The following PSMF1 variants were observed in gnomAD, a reference collection of about 807,000 sequenced individuals.
PSMF1 encodes proteasome inhibitor PI31 subunit.
In PSMF1, 30 loss-of-function variants were observed where a neutral mutation model predicts 29.3. The observed-to-expected ratio is 1.02, with a 90% CI of 0.77 to 1.39. The LOEUF (loss-of-function observed/expected upper bound fraction) is 1.39. Ranked by LOEUF, PSMF1 falls within the 40% of genes most tolerant of loss-of-function variation. The pLI, the probability that PSMF1 is intolerant of heterozygous loss-of-function variation, is 0.00. For missense variants in PSMF1, 344 were observed against 357.5 expected (o/e 0.96, Z 0.31); for synonymous variants, 134 against 139.7 (o/e 0.96, Z 0.29).
At chr20:1,155,172 G>A (rs1255261267) in intron 4 of PSMF1, among the ~76,000 whole-genome samples, 1 of 152,226 alleles carries the variant, frequency 6.6e-6, no homozygotes, top group East Asian at 1.9e-4. Context: ...CCCAAAGTGA[G>A]GAAATGAACA....
At chr20:1,153,310 G>A (rs889128980) in intron 4 of PSMF1, among the ~76,000 whole-genome samples, 2 of 151,946 alleles carry the variant, frequency 1.3e-5, no homozygotes, top group Admixed American at 6.6e-5. Context: ...GCTCATTCAG[G>A]TCACTGGCAG....
At chr20:1,122,611 AT>A (rs1482281079) in intron 1 of PSMF1, among the ~76,000 whole-genome samples, 2 of 151,994 alleles carry the variant, frequency 1.3e-5, no homozygotes, top group East Asian at 3.9e-4. Flanking sequence ...CAGGCCTTTG[AT>A]TTTTCATCAG....
chr20:1,138,513 C>A (rs2086337457), intron 4 of PSMF1, among the ~76,000 whole-genome samples: 4 of 82,200 alleles, frequency 4.9e-5, no homozygotes, highest in East Asian at 3.6e-4. Context: ...ACAGAGACTG[C>A]ATCTCAAAAA....
At position 1,167,407 on chromosome 20, in the gene PSMF1, C is replaced by T. The variant is rs767279816; in HGVS notation, c.*2327C>T. 6.6e-6 allele frequency: 1 copy of T among 152,160 alleles called. No homozygotes were observed. The highest frequency in any genetic ancestry group is 2.4e-5 in the African/African-American group (1 of 41,410). 9.4% of individuals were successfully genotyped at this position (152,160 alleles called of 1,614,324 possible). On this transcript the variant is annotated 3_prime_UTR_variant, in exon 7 of 7. Transcript: ENST00000335877. ...ACATACCTGTTTAAAGTATACAATT[C>T]AGTGGATTTAGTATGTTCACAGTGT...
intron 3 of PSMF1, among the ~76,000 whole-genome samples, chr20:1,128,944 C>T (rs973353331): frequency 1.3e-5 from 2 of 151,906 alleles, no homozygotes; most frequent in Admixed American, 6.6e-5. Flanking sequence ...GGCGCGATCT[C>T]GGCTCACTGC....
In PSMF1 at chr20:1,169,274, TGA is replaced by T. The variant is rs750487926; in HGVS notation, c.*4196_*4197del. 1.6e-4 allele frequency among the ~76,000 whole-genome samples: 25 copies of T among 152,090 alleles called. No individual in the cohort carries two copies. The highest frequency in any genetic ancestry group is 5.5e-4 in the African/African-American group (23 of 41,462). On this transcript the variant is annotated 3_prime_UTR_variant, in exon 7 of 7. Transcript: ENST00000335877. ...GGGTGGCAGGTAGGATGGTAGGCAG[TGA>T]GGGGTGGCAAGGCCTAGCTGACTGA...
At position 1,168,157 on chromosome 20, in the gene PSMF1, C is replaced by CA. The variant is rs1383301270; in HGVS notation, c.*3078dup. On this transcript the variant is annotated 3_prime_UTR_variant, in exon 7 of 7. Coordinates refer to ENST00000335877, the MANE Select transcript of PSMF1 (RefSeq NM_006814.5). Reference sequence around the variant, plus strand: ...GGGAGCAATCTGTGGTTTTGATAATCACCACCTTGGGATGAACATGGCTGG... The same window carrying CA: ...GGGAGCAATCTGTGGTTTTGATAATCAACCACCTTGGGATGAACATGGCTGG... 6.6e-6 allele frequency: 1 copy of CA among 152,266 alleles called. No individual in the cohort carries two copies. The highest frequency in any genetic ancestry group is 2.4e-5 in the African/African-American group (1 of 41,470). 9.4% of individuals were successfully genotyped at this position (152,266 alleles called of 1,614,324 possible). A position where few individuals can be genotyped will look rare whatever the true frequency, so the allele number is the denominator to read the frequency against.
rs2086727684 is a variant in PSMF1 at position 1,166,193 on chromosome 20, A to G, written c.*1113A>G. 1 of 1,611,054 alleles carries G rather than the reference A, an allele frequency of 6.2e-7. No individual in the cohort carries two copies. The highest frequency in any genetic ancestry group is 1.3e-5 in the African/African-American group (1 of 74,856). On this transcript the variant is annotated 3_prime_UTR_variant, in exon 7 of 7. Coordinates refer to ENST00000335877, the MANE Select transcript of PSMF1 (RefSeq NM_006814.5). ...AGCCCTGCACCTTGTGTCCTGGCCC[A>G]CCTGACCTTTGGTGTTCTCCGGATC...
At chr20:1,126,381 GT>G (rs1242305824) in intron 2 of PSMF1, among the ~76,000 whole-genome samples, 1 of 152,060 alleles carries the variant, frequency 6.6e-6, no homozygotes, top group African/African-American at 2.4e-5. Flanking sequence ...TTCACTCGGT[GT>G]TTTGGAGGCA....
At chr20:1,143,265 A>G (rs2086406446) in intron 4 of PSMF1, among the ~76,000 whole-genome samples, 1 of 152,224 alleles carries the variant, frequency 6.6e-6, no homozygotes, top group East Asian at 1.9e-4. Flanking sequence ...TTATATAGCT[A>G]AAGTAATCAA....
chr20:1,149,541 GAA>G (rs2086499059), intron 4 of PSMF1, among the ~76,000 whole-genome samples: 1 of 152,196 alleles, frequency 6.6e-6, no homozygotes, highest in Non-Finnish European at 1.5e-5. Context: ...TATTTTCCTT[GAA>G]GTAATGGGCT....
rs1049316352 is a variant in PSMF1 at position 1,168,321 on chromosome 20, A to C, written c.*3241A>C. The C allele has an allele frequency of 6.6e-6, 1 of 152,208 alleles. No homozygotes were observed. Among genetic ancestry groups the C allele is most frequent in the Non-Finnish European group, 1.5e-5 (1 of 68,042 alleles). The allele number at this position is 152,208 out of a possible 1,614,324, so 9.4% of individuals were successfully genotyped here. ...AGATCATCACTTTGGTTTGGTTTGA[A>C]ATTTCTTTGTTTATCCAGTGAATTA... On this transcript the variant is annotated 3_prime_UTR_variant, in exon 7 of 7. Coordinates refer to ENST00000335877, the MANE Select transcript of PSMF1 (RefSeq NM_006814.5).
intron 4 of PSMF1, among the ~76,000 whole-genome samples, chr20:1,150,373 T>C (rs900127579): frequency 6.6e-6 from 1 of 152,174 alleles, no homozygotes; most frequent in Admixed American, 6.5e-5. Context: ...GTGCTGCTGC[T>C]TTGAGTCATA....
At position 1,167,633 on chromosome 20, in the gene PSMF1, C is replaced by CT. The variant is rs1258146590; in HGVS notation, c.*2556dup. 2 of 151,226 alleles carry CT rather than the reference C, an allele frequency of 1.3e-5. No homozygotes were observed. Among genetic ancestry groups the CT allele is most frequent in the Non-Finnish European group, 2.9e-5 (2 of 67,860 alleles). 9.4% of individuals were successfully genotyped at this position (151,226 alleles called of 1,614,324 possible). ...TATTATGGCCTTTTGTGTCTGGCTT[C>CT]TTTCATTTCATGTGATGTTTTCAAG... On this transcript the variant is annotated 3_prime_UTR_variant, in exon 7 of 7. Transcript: ENST00000335877.
chr20:1,154,084 A>G (rs2086564658), intron 4 of PSMF1, among the ~76,000 whole-genome samples: 1 of 152,232 alleles, frequency 6.6e-6, no homozygotes, highest in South Asian at 2.1e-4. Context: ...TTAATAGTAA[A>G]GACAACTTAG....
chr20:1,166,481 C>A lies in PSMF1; in HGVS notation c.*1401C>A. 1.7e-6 allele frequency: 1 copy of A among 580,582 alleles called. No homozygotes were observed. Among genetic ancestry groups the A allele is most frequent in the South Asian group, 2.0e-5 (1 of 49,906 alleles). 36.0% of individuals were successfully genotyped at this position (580,582 alleles called of 1,614,324 possible). A position where few individuals can be genotyped will look rare whatever the true frequency, so the allele number is the denominator to read the frequency against. ...GTATCTGCCAGGCTGTTTTCTGTAG[C>A]CTCAGATTGCCTATCTGCTTAGCCT... On this transcript the variant is annotated 3_prime_UTR_variant, in exon 7 of 7. Coordinates refer to ENST00000335877, the MANE Select transcript of PSMF1 (RefSeq NM_006814.5).
rs2086738964 is a variant in PSMF1, at chr20:1,167,112, C to G, written c.*2032C>G. 1 of 152,144 alleles carries G rather than the reference C, an allele frequency of 6.6e-6. No individual in the cohort carries two copies. The highest frequency in any genetic ancestry group is 2.4e-5 in the African/African-American group (1 of 41,430). The allele number at this position is 152,144 out of a possible 1,614,324, so 9.4% of individuals were successfully genotyped here. A position where few individuals can be genotyped will look rare whatever the true frequency, so the allele number is the denominator to read the frequency against. On this transcript the variant is annotated 3_prime_UTR_variant, in exon 7 of 7. Coordinates refer to ENST00000335877, the MANE Select transcript of PSMF1 (RefSeq NM_006814.5). ...TCCTTGCATCAAGGACACTGAGAAA[C>G]ACAGTCATTGTCTTAGGTGTTCTAT...
Position 1,169,339 on chromosome 20 carries a change from C to G in PSMF1, c.*4259C>G, listed in dbSNP as rs2086767012. On this transcript the variant is annotated 3_prime_UTR_variant, in exon 7 of 7. Transcript: ENST00000335877. ...CAACAATGACAGGAGGTTTGAACACCTCACGAGTGGTAGTGCCCATGGGAG... is the reference window on the plus strand; with the variant it reads ...CAACAATGACAGGAGGTTTGAACACGTCACGAGTGGTAGTGCCCATGGGAG... 6.6e-6 allele frequency among the ~76,000 whole-genome samples: 1 copy of G among 152,172 alleles called. No individual in the cohort carries two copies. Among genetic ancestry groups the G allele is most frequent in the Non-Finnish European group, 1.5e-5 (1 of 68,022 alleles).
At position 1,167,114 on chromosome 20, in the gene PSMF1, C is replaced by A. The variant is rs1012926392; in HGVS notation, c.*2034C>A. ...CTTGCATCAAGGACACTGAGAAACA[C>A]AGTCATTGTCTTAGGTGTTCTATGG... is the stretch of plus-strand genomic sequence containing the variant. On this transcript the variant is annotated 3_prime_UTR_variant, in exon 7 of 7. Coordinates refer to ENST00000335877, the MANE Select transcript of PSMF1 (RefSeq NM_006814.5). 6.6e-6 allele frequency: 1 copy of A among 152,154 alleles called. No individual in the cohort carries two copies. Among genetic ancestry groups the A allele is most frequent in the Non-Finnish European group, 1.5e-5 (1 of 68,034 alleles). 9.4% of individuals were successfully genotyped at this position (152,154 alleles called of 1,614,324 possible). A position where few individuals can be genotyped will look rare whatever the true frequency, so the allele number is the denominator to read the frequency against.
Sources: allele counts gnomAD v4.1 joint callset (sites outside exome capture counted in the v4.1 genomes callset), GRCh38; gene constraint gnomAD v4.1.1; transcripts MANE v1.5; gene names NCBI Gene and HGNC (gene_info 2026-07-23, HGNC 2026-07-21).